SOAT1: variants seen among roughly 807,000 people sequenced by gnomAD.
SOAT1 encodes sterol O-acyltransferase 1.
In SOAT1, 55 loss-of-function variants were observed where a neutral mutation model predicts 69.5. The ratio of observed to expected loss-of-function variants is 0.79; its 90% CI spans 0.64 to 0.99. The LOEUF (loss-of-function observed/expected upper bound fraction) is 0.99, where lower values mean the gene tolerates loss of function less well. SOAT1 is among the 50% of genes least tolerant of loss of function. SOAT1 has a pLI of 0.00. For missense variants in SOAT1, 580 were observed against 669.3 expected (o/e 0.87, Z 1.47); for synonymous variants, 231 against 224.7 (o/e 1.03, Z -0.25).
chr1:179,345,186 C>T (rs1666486281), intron 11 of SOAT1, 110 bp downstream of exon 11: 2 of 971,166 alleles, frequency 2.1e-6, no homozygotes, highest in Non-Finnish European at 3.1e-6. Flanking sequence ...AACTTCTATA[C>T]ATCTATGCCC....
At chr1:179,315,468 T>A (rs761422742) in intron 2 of SOAT1, among the ~76,000 whole-genome samples, 5 of 151,052 alleles carry the variant, frequency 3.3e-5, no homozygotes, top group Non-Finnish European at 5.9e-5. Flanking sequence ...AGAACCTGTC[T>A]TAAAAAAAAA....
intron 4 of SOAT1, 110 bp downstream of exon 4, chr1:179,335,767 T>C: frequency 1.0e-6 from 1 of 999,474 alleles, no homozygotes; most frequent in Non-Finnish European, 1.5e-6. Context: ...TCACTTTCTA[T>C]TGGCTGTGTG....
intron 2 of SOAT1, among the ~76,000 whole-genome samples, chr1:179,313,586 A>G (rs939028012): frequency 6.0e-5 from 9 of 150,956 alleles, no homozygotes; most frequent in Non-Finnish European, 1.3e-4. Flanking sequence ...ATATATATGT[A>G]TATATATATT....
intron 1 of SOAT1, among the ~76,000 whole-genome samples, chr1:179,298,927 T>C (rs1358468043): frequency 1.3e-5 from 2 of 152,170 alleles, no homozygotes; most frequent in East Asian, 1.9e-4. Context: ...ATTGGTTACA[T>C]ATTAACTGAT....
At chr1:179,318,280 C>A (rs998808839) in intron 2 of SOAT1, among the ~76,000 whole-genome samples, 1 of 151,864 alleles carries the variant, frequency 6.6e-6, no homozygotes, top group South Asian at 2.1e-4. Context: ...ATAATGGTAC[C>A]ATGATTCAGT....
At chr1:179,319,716 A>G (rs1161714237) in intron 2 of SOAT1, among the ~76,000 whole-genome samples, 2 of 152,104 alleles carry the variant, frequency 1.3e-5, no homozygotes, top group South Asian at 2.1e-4. Context: ...TCATAGGTTC[A>G]AGCGATTCTC....
At chr1:179,318,893 C>G (rs1665491050) in intron 2 of SOAT1, among the ~76,000 whole-genome samples, 1 of 152,062 alleles carries the variant, frequency 6.6e-6, no homozygotes, top group Admixed American at 6.6e-5. Flanking sequence ...ATTATTATGA[C>G]TAATGCTGCC....
chr1:179,329,067 T>G (rs1665884444), intron 3 of SOAT1, among the ~76,000 whole-genome samples: 1 of 149,478 alleles, frequency 6.7e-6, no homozygotes, highest in Non-Finnish European at 1.5e-5. Context: ...AAAAAAATTG[T>G]TGCAACATAT....
At chr1:179,324,923 C>T (rs1243073663) in intron 3 of SOAT1, among the ~76,000 whole-genome samples, 2 of 151,930 alleles carry the variant, frequency 1.3e-5, no homozygotes, top group African/African-American at 4.8e-5. Context: ...CTGCCTCAGC[C>T]TCCTGAGTAG....
chr1:179,348,841 C>T lies in SOAT1; in HGVS notation c.1216-3C>T, dbSNP rs1666624188. On this transcript the variant is annotated splice_polypyrimidine_tract_variant and splice_region_variant and intron_variant, in intron 12 of 15. Transcript: ENST00000367619. The stretch of plus-strand genomic sequence containing the variant: ...AGTTTTATACCTTTACTTTTTCCCT[C>T]AGGATTGGTGGAACTCCACGTCATA... 1.3e-6 allele frequency: 2 copies of T among 1,550,622 alleles called. No homozygotes were observed. The highest frequency in any genetic ancestry group is 1.8e-6 in the Non-Finnish European group (2 of 1,126,688).
At chr1:179,305,416 T>A (rs1391012185) in intron 2 of SOAT1, among the ~76,000 whole-genome samples, 1 of 13,932 alleles carries the variant, frequency 7.2e-5, no homozygotes, top group Non-Finnish European at 2.3e-4. Context: ...AGTACTTCAT[T>A]TTTTTTTTTT....
chr1:179,337,794 A>G (rs1232306454), intron 4 of SOAT1, 43 bp from the exon 5 acceptor site: 11 of 1,373,492 alleles, frequency 8.0e-6, no homozygotes, highest in Non-Finnish European at 5.1e-6. Context: ...TTCTTATAAT[A>G]CTTGAAGTAC....
intron 11 of SOAT1, 113 bp from the exon 12 acceptor site, chr1:179,347,487 A>G (rs896478498): frequency 5.1e-5 from 32 of 628,878 alleles, no homozygotes; most frequent in Non-Finnish European, 1.4e-5. Flanking sequence ...AACTGGAATA[A>G]TAACTTATAT....
At chr1:179,299,900 C>T (rs1200375180) in intron 1 of SOAT1, among the ~76,000 whole-genome samples, 1 of 150,556 alleles carries the variant, frequency 6.6e-6, no homozygotes, top group African/African-American at 2.4e-5. Context: ...ACTACAGGCG[C>T]CTGCCCCCAT....
At chr1:179,319,568 C>T (rs780846220) in intron 2 of SOAT1, among the ~76,000 whole-genome samples, 2 of 152,032 alleles carry the variant, frequency 1.3e-5, no homozygotes, top group African/African-American at 2.4e-5. Flanking sequence ...CCGCACCTGG[C>T]GTACTTTGCC....
chr1:179,352,360 A>G (rs1666768438), intron 15 of SOAT1, among the ~76,000 whole-genome samples: 1 of 152,020 alleles, frequency 6.6e-6, no homozygotes, highest in South Asian at 2.1e-4. Flanking sequence ...AATTAGATCT[A>G]CTAGCACTAG....
intron 1 of SOAT1, among the ~76,000 whole-genome samples, chr1:179,299,851 T>C (rs12049122): frequency 0.23 from 33,309 of 144,330 alleles, 4,570 homozygotes; most frequent in East Asian, 0.39. Flanking sequence ...CCTCCTGGGT[T>C]CATGCCATTC....
intron 3 of SOAT1, among the ~76,000 whole-genome samples, chr1:179,329,426 C>T (rs1376071375): frequency 2.6e-5 from 4 of 152,050 alleles, no homozygotes; most frequent in African/African-American, 9.7e-5. Flanking sequence ...CAAGTAACGC[C>T]TTCTAAATAA....
At position 179,356,050 on chromosome 1, in the gene SOAT1, C is replaced by G. The variant is rs943647311; in HGVS notation, c.*2409C>G. 6.6e-6 allele frequency: 1 copy of G among 152,200 alleles called. No homozygotes were observed. The highest frequency in any genetic ancestry group is 6.5e-5 in the Admixed American group (1 of 15,274). 9.4% of individuals were successfully genotyped at this position (152,200 alleles called of 1,614,324 possible). ...TCTTTTCTTGAAACCACCACCTATA[C>G]TCTTTAAACAAATAAAAACTAAAAT... On this transcript the variant is annotated 3_prime_UTR_variant, in exon 16 of 16. Transcript: ENST00000367619.
Sources: allele counts gnomAD v4.1 joint callset (sites outside exome capture counted in the v4.1 genomes callset), GRCh38; gene constraint gnomAD v4.1.1; transcripts MANE v1.5; gene names NCBI Gene and HGNC (gene_info 2026-07-23, HGNC 2026-07-21).